The following CHRND variants were observed in gnomAD, a reference collection of about 807,000 sequenced individuals.
CHRND encodes acetylcholine receptor subunit delta.
Under a neutral mutation model 57.8 loss-of-function variants are expected in CHRND, and 40 were observed. That is an observed-to-expected ratio of 0.69 (90% confidence interval 0.54 to 0.90). The LOEUF (loss-of-function observed/expected upper bound fraction) is 0.90, where lower values mean the gene tolerates loss of function less well. CHRND is among the 40% of genes least tolerant of loss of function. The pLI, the probability that CHRND is intolerant of heterozygous loss-of-function variation, is 0.00. For synonymous variants in CHRND, 237 were observed against 270.6 expected (o/e 0.88, Z 1.22); for missense variants, 634 against 673.9 (o/e 0.94, Z 0.66).
Position 232,527,311 on chromosome 2 carries a change from AG to A in CHRND, c.199-89del, listed in dbSNP as rs367565937. 1.0e-3 allele frequency: 666 copies of A among 656,438 alleles called. 1 individual carries two copies. Among genetic ancestry groups the A allele is most frequent in the East Asian group, 4.2e-3 (113 of 26,688 alleles). 40.7% of individuals were successfully genotyped at this position (656,438 alleles called of 1,614,324 possible). On this transcript the variant is annotated intron_variant, in intron 2 of 11. Transcript: ENST00000258385. ...ATTGAGCAAGACCCTGGAAAAAAAA[AG>A]AGAGAGAGAGAGAGAGAGAGAGTGG...
chr2:232,528,648 C>T lies in CHRND; in HGVS notation c.501C>T (p.Leu167=), dbSNP rs752775205. Residue 167 remains leucine, a synonymous_variant, in exon 5 of 12, where the codon CTC becomes CTT. Coordinates refer to ENST00000258385, the MANE Select transcript of CHRND (RefSeq NM_000751.3). The part of the protein sequence containing the change: ...YFPFDWQNCS[L]KFSSLKYTAK... Reference sequence around the variant, plus strand: ...CCTTCGACTGGCAGAACTGCTCCCTCAAGTTCAGGTGTGCCCTTTTCTCCA... The same window carrying T: ...CCTTCGACTGGCAGAACTGCTCCCTTAAGTTCAGGTGTGCCCTTTTCTCCA... The T allele has an allele frequency of 6.2e-7, 1 of 1,614,028 alleles. No individual in the cohort carries two copies. The highest frequency in any genetic ancestry group is 1.7e-5 in the Admixed American group (1 of 60,028).
chr2:232,527,313 AGAGAG>A (rs1574628827), intron 2 of CHRND, 83 bp from the exon 3 acceptor site: 7 of 1,063,762 alleles, frequency 6.6e-6, no homozygotes, highest in Admixed American at 5.5e-5. Flanking sequence ...AAAAAAAAAG[AGAGAG>A]AGAGAGAGAG....
chr2:232,531,970 A>AAAAAAAAAAAAAAAAAAAAAAAAG (rs1391577789), intron 9 of CHRND, among the ~76,000 whole-genome samples: 2 of 135,220 alleles, frequency 1.5e-5, no homozygotes, highest in African/African-American at 5.3e-5. Context: ...AAAAAAAAAA[A>AAAAAAAAAAAAAAAAAAAAAAAAG]AAAAGAAATG....
chr2:232,535,624 G>A lies in CHRND; in HGVS notation c.*312G>A, dbSNP rs1397883166. On this transcript the variant is annotated 3_prime_UTR_variant, in exon 12 of 12. Coordinates refer to ENST00000258385, the MANE Select transcript of CHRND (RefSeq NM_000751.3). The stretch of plus-strand genomic sequence containing the variant: ...TCAGGGGGAGAGCTCTGATAGGGGT[G>A]AGACAGATAGGGCCCCTTCTCTGCT... 1.8e-6 allele frequency: 1 copy of A among 560,228 alleles called. No individual in the cohort carries two copies. Among genetic ancestry groups the A allele is most frequent in the African/African-American group, 1.9e-5 (1 of 53,900 alleles). 34.7% of individuals were successfully genotyped at this position (560,228 alleles called of 1,614,324 possible).
chr2:232,527,048 C>T (rs921407543), intron 2 of CHRND, among the ~76,000 whole-genome samples: 3 of 152,180 alleles, frequency 2.0e-5, no homozygotes, highest in African/African-American at 7.2e-5. Context: ...CCTGTAATCC[C>T]AGCACTTTGG....
At position 232,531,606 on chromosome 2, in the gene CHRND, A is replaced by G. The variant is rs145311396; in HGVS notation, c.997A>G (p.Ile333Val). ...GGTGATCTGTGTCATCGTGCTCAAC[A>G]TCCACTTCCGAACACCCAGCACCCA... ...VVVICVIVLN[I>V]HFRTPSTHVL... Residue 333 changes from isoleucine to valine, a missense_variant, in exon 9 of 12, where the codon ATC becomes GTC. By Grantham distance (29) the Ile-to-Val change is conservative (BLOSUM62 3). Transcript: ENST00000258385. The G allele has an allele frequency of 6.2e-7, 1 of 1,613,918 alleles. No homozygotes were observed. Among genetic ancestry groups the G allele is most frequent in the Non-Finnish European group, 8.5e-7 (1 of 1,180,030 alleles).
Position 232,528,855 on chromosome 2 carries a change from T to C in CHRND, c.510-7T>C. On this transcript the variant is annotated splice_polypyrimidine_tract_variant and splice_region_variant and intron_variant, in intron 5 of 11. Transcript: ENST00000258385. Reference sequence around the variant, plus strand: ...GAGTGTCACTCTCTGCCCATTGCCCTCCCCAGTTCCCTCAAGTATACGGCC... The same window carrying C: ...GAGTGTCACTCTCTGCCCATTGCCCCCCCCAGTTCCCTCAAGTATACGGCC... 6.2e-7 allele frequency: 1 copy of C among 1,612,474 alleles called. No individual in the cohort carries two copies. Among genetic ancestry groups the C allele is most frequent in the Non-Finnish European group, 8.5e-7 (1 of 1,178,730 alleles).
Position 232,535,452 on chromosome 2 carries a change from C to G in CHRND, c.*140C>G. 1 of 997,520 alleles carries G rather than the reference C, an allele frequency of 1.0e-6. No individual in the cohort carries two copies. Among genetic ancestry groups the G allele is most frequent in the Middle Eastern group, 2.8e-4 (1 of 3,518 alleles). 61.8% of individuals were successfully genotyped at this position (997,520 alleles called of 1,614,324 possible). On this transcript the variant is annotated 3_prime_UTR_variant, in exon 12 of 12. Transcript: ENST00000258385. ...AGGAAGGGAGGGAGCAGCCACTCCTCAATGCTCAATGGCTCCCCTGAAATC... is the reference window on the plus strand; with the variant it reads ...AGGAAGGGAGGGAGCAGCCACTCCTGAATGCTCAATGGCTCCCCTGAAATC...
At chr2:232,531,760 G>A (rs1691707310) in intron 9 of CHRND, 104 bp downstream of exon 9, 14 of 906,162 alleles carry the variant, frequency 1.5e-5, no homozygotes, top group Middle Eastern at 5.4e-4. Context: ...ACCAGCCTGG[G>A]CAACATAGAG....
chr2:232,529,867 C>A (rs1465026351), intron 6 of CHRND, 72 bp from the exon 7 acceptor site: 12 of 1,543,576 alleles, frequency 7.8e-6, no homozygotes, highest in Non-Finnish European at 1.1e-5. Context: ...CCCAGCCCCT[C>A]ATTCTGTCCC....
chr2:232,526,748 A>G, intron 2 of CHRND, 74 bp downstream of exon 2: 1 of 1,535,532 alleles, frequency 6.5e-7, no homozygotes, highest in Non-Finnish European at 9.0e-7. Context: ...GCCATGGAGG[A>G]AGCTAGAAGC....
chr2:232,527,578 A>T, intron 3 of CHRND, 133 bp downstream of exon 3: 1 of 717,620 alleles, frequency 1.4e-6, no homozygotes. Context: ...CCCCGTCTCT[A>T]CTAAAAATAC....
intron 9 of CHRND, among the ~76,000 whole-genome samples, chr2:232,532,417 G>A (rs965946247): frequency 2.8e-5 from 4 of 142,678 alleles, no homozygotes; most frequent in Non-Finnish European, 4.5e-5. Context: ...GCAGTGAGCC[G>A]AGATCTCACC....
Position 232,535,314 on chromosome 2 carries a change from G to A in CHRND, c.*2G>A, listed in dbSNP as rs1437706825. 6.2e-7 allele frequency: 1 copy of A among 1,613,008 alleles called. No homozygotes were observed. The highest frequency in any genetic ancestry group is 8.5e-7 in the Non-Finnish European group (1 of 1,180,034). ...GTGCAGGACAAGCGCTTCATCTAGG[G>A]TGGGCCTGTTGGGGAGCCAGGAGAC... On this transcript the variant is annotated 3_prime_UTR_variant, in exon 12 of 12. Coordinates refer to ENST00000258385, the MANE Select transcript of CHRND (RefSeq NM_000751.3).
intron 5 of CHRND, 102 bp downstream of exon 5, chr2:232,528,758 A>G: frequency 1.3e-6 from 2 of 1,584,740 alleles, no homozygotes; most frequent in South Asian, 2.2e-5. Flanking sequence ...CCCTGTCTGG[A>G]TTAGTGCTGC....
At chr2:232,526,802 C>T (rs113592728) in intron 2 of CHRND, 128 bp downstream of exon 2, 50 of 975,264 alleles carry the variant, frequency 5.1e-5, no homozygotes, top group African/African-American at 4.3e-4. Flanking sequence ...AAACGTGCTG[C>T]GGCTGCTCTG....
chr2:232,535,587 C>G lies in CHRND; in HGVS notation c.*275C>G. 1 of 625,156 alleles carries G rather than the reference C, an allele frequency of 1.6e-6. No homozygotes were observed. Among genetic ancestry groups the G allele is most frequent in the South Asian group, 1.5e-5 (1 of 65,228 alleles). 38.7% of individuals were successfully genotyped at this position (625,156 alleles called of 1,614,324 possible). On this transcript the variant is annotated 3_prime_UTR_variant, in exon 12 of 12. Coordinates refer to ENST00000258385, the MANE Select transcript of CHRND (RefSeq NM_000751.3). ...GGCTCAGGGGCCAGGGAGGAGGCCA[C>G]TCAGGGTGGCCTCAGGGGGAGAGCT...
In CHRND at chr2:232,530,089, G is replaced by A; in HGVS notation, c.770G>A (p.Cys257Tyr). ...TACATCATCAACATCCTGGTGCCCT[G>A]CGTGCTCATCTCCTTCATGGTCAAC... Reference protein sequence around the residue: ...LFYIINILVPCVLISFMVNLV... With the variant: ...LFYIINILVPYVLISFMVNLV... The change falls in exon 7 of 12, where the codon TGC becomes TAC. Residue 257 changes from cysteine to tyrosine, a missense_variant. Cys to Tyr is a radical substitution (Grantham distance 194, BLOSUM62 -2). Coordinates refer to ENST00000258385, the MANE Select transcript of CHRND (RefSeq NM_000751.3). The A allele has an allele frequency of 6.2e-7, 1 of 1,614,158 alleles. No homozygotes were observed. The highest frequency in any genetic ancestry group is 8.5e-7 in the Non-Finnish European group (1 of 1,180,022).
intron 6 of CHRND, 22 bp downstream of exon 6, chr2:232,528,993 G>T: frequency 1.3e-6 from 2 of 1,579,728 alleles, no homozygotes; most frequent in South Asian, 1.1e-5. Context: ...AGCCGCCAGT[G>T]GGTGGGCAGG....
Sources: gnomAD v4.1 joint callset for allele counts (sites outside exome capture counted in the v4.1 genomes callset) on GRCh38, gnomAD v4.1.1 for gene constraint, MANE v1.5 for transcripts, NCBI Gene and HGNC (gene_info 2026-07-23, HGNC 2026-07-21) for gene names.